CAP2: variants seen among roughly 807,000 people sequenced by gnomAD.
CAP2 encodes the protein cyclase associated actin cytoskeleton regulatory protein 2.
Under a neutral mutation model 57.7 loss-of-function variants are expected in CAP2, and 24 were observed. The observed-to-expected ratio is 0.42, with a 90% confidence interval of 0.30 to 0.58. The LOEUF (loss-of-function observed/expected upper bound fraction) is 0.58. Ranked by LOEUF, CAP2 falls within the 20% of genes least tolerant of loss-of-function variation. The pLI is 0.22. For synonymous variants in CAP2, 194 were observed against 207.2 expected, an observed-to-expected ratio of 0.94 and a Z score of 0.55; for missense variants, 501 against 590.3, an observed-to-expected ratio of 0.85 and a Z score of 1.57.
At chr6:17,539,537 G>C (rs1027311069) in intron 8 of CAP2, 79 bp downstream of exon 8, 2 of 1,082,808 alleles carry the variant, frequency 1.8e-6, no homozygotes, top group African/African-American at 3.2e-5. Context: ...TGGAGCCCCA[G>C]TGATGGATAC....
intron 3 of CAP2, among the ~76,000 whole-genome samples, chr6:17,440,874 A>C (rs749720742): frequency 6.6e-5 from 10 of 150,914 alleles, no homozygotes; most frequent in Non-Finnish European, 1.0e-4. Context: ...CCTGTGTCCA[A>C]GTGTTCTCTT....
chr6:17,490,601 A>G (rs1761520856), intron 4 of CAP2, among the ~76,000 whole-genome samples: 2 of 152,248 alleles, frequency 1.3e-5, no homozygotes, highest in Admixed American at 1.3e-4. Context: ...TGTTCCTGCC[A>G]TGGCAACAGC....
At chr6:17,549,740 A>G (rs1055012981) in intron 11 of CAP2, among the ~76,000 whole-genome samples, 4 of 152,318 alleles carry the variant, frequency 2.6e-5, no homozygotes, top group African/African-American at 2.4e-5. Flanking sequence ...AGGATTGCCT[A>G]TATACTAAAG....
chr6:17,404,497 C>T (rs1311289414), intron 1 of CAP2, among the ~76,000 whole-genome samples: 2 of 151,970 alleles, frequency 1.3e-5, no homozygotes, highest in South Asian at 2.1e-4. Context: ...CCCAGCTACT[C>T]GGGAGGCTGA....
Position 17,551,455 on chromosome 6 carries a change from C to G in CAP2, c.1210-9C>G. On this transcript the variant is annotated splice_polypyrimidine_tract_variant and intron_variant, in intron 11 of 12. Coordinates refer to ENST00000229922, the MANE Select transcript of CAP2 (RefSeq NM_006366.3). ...TTGCTTTGGTCCCAGGTATTTTTTCCTATTTCAGGTAATGGGGAGAGTGCC... is the reference window on the plus strand; with the variant it reads ...TTGCTTTGGTCCCAGGTATTTTTTCGTATTTCAGGTAATGGGGAGAGTGCC... 6.3e-7 allele frequency: 1 copy of G among 1,577,032 alleles called. No homozygotes were observed. The highest frequency in any genetic ancestry group is 8.6e-7 in the Non-Finnish European group (1 of 1,160,994).
intron 7 of CAP2, among the ~76,000 whole-genome samples, chr6:17,519,929 C>T (rs529988113): frequency 1.6e-4 from 25 of 152,226 alleles, no homozygotes; most frequent in Admixed American, 7.2e-4. Context: ...TATTAACTTT[C>T]GGTTGTTAAA....
intron 1 of CAP2, among the ~76,000 whole-genome samples, chr6:17,408,153 G>A (rs1173116923): frequency 6.6e-6 from 1 of 152,156 alleles, no homozygotes; most frequent in Non-Finnish European, 1.5e-5. Flanking sequence ...ACAAAGATTA[G>A]AGGTTTGTTT....
chr6:17,444,534 G>A lies in CAP2; in HGVS notation c.222+17844G>A, dbSNP rs536672085. On this transcript the variant is annotated intron_variant, in intron 3 of 12. Transcript: ENST00000229922. ...CTAGGACCTGTAGACCCAGCTACTC[G>A]AGAGGCTGGGGCAGGAGAATCGCTT... Among the ~76,000 whole-genome samples the A allele has an allele frequency of 5.3e-5, 8 of 151,304 alleles. 1 individual carries two copies. The South Asian group carries it at 1.7e-3, about 32-fold the overall frequency.
At chr6:17,543,251 C>A in intron 11 of CAP2, 108 bp downstream of exon 11, 1 of 886,424 alleles carries the variant, frequency 1.1e-6, no homozygotes, top group Non-Finnish European at 1.9e-6. Flanking sequence ...TTTCCAACCA[C>A]GCTGTAATAA....
At chr6:17,417,483 C>CATCT (rs1439370077) in intron 1 of CAP2, among the ~76,000 whole-genome samples, 18 of 152,034 alleles carry the variant, frequency 1.2e-4, no homozygotes, top group Non-Finnish European at 2.6e-4. Context: ...CTGTGTTGCC[C>CATCT]AGGCTGGTCT....
chr6:17,439,728 T>A (rs60793140), intron 3 of CAP2, among the ~76,000 whole-genome samples: 1 of 151,354 alleles, frequency 6.6e-6, no homozygotes, highest in Non-Finnish European at 1.5e-5. Context: ...CATGCTCCTA[T>A]GAGAATCTAA....
intron 3 of CAP2, among the ~76,000 whole-genome samples, chr6:17,455,622 G>A (rs528990898): frequency 6.0e-5 from 9 of 151,148 alleles, no homozygotes; most frequent in Admixed American, 2.6e-4. Flanking sequence ...TGCACTCTCC[G>A]CCTCCCGGGT....
At chr6:17,455,463 A>G (rs1760534842) in intron 3 of CAP2, among the ~76,000 whole-genome samples, 2 of 152,106 alleles carry the variant, frequency 1.3e-5, no homozygotes, top group South Asian at 4.2e-4. Context: ...AGGGCAGATC[A>G]CACACTTGAA....
chr6:17,525,392 G>C (rs1034357907), intron 7 of CAP2, among the ~76,000 whole-genome samples: 1 of 151,724 alleles, frequency 6.6e-6, no homozygotes, highest in African/African-American at 2.4e-5. Context: ...AACCTGTGAG[G>C]CGGAGGCTGC....
intron 5 of CAP2, 95 bp downstream of exon 5, chr6:17,507,407 G>A: frequency 1.5e-6 from 2 of 1,314,292 alleles, no homozygotes; most frequent in Non-Finnish European, 2.1e-6. Flanking sequence ...TCCTTGCACT[G>A]AAGGAAGCTT....
At chr6:17,505,182 G>C (rs1761944341) in intron 4 of CAP2, among the ~76,000 whole-genome samples, 1 of 152,174 alleles carries the variant, frequency 6.6e-6, no homozygotes, top group Non-Finnish European at 1.5e-5. Flanking sequence ...CTAAGGATCT[G>C]ATTAAGTAAT....
At chr6:17,418,518 G>A (rs973365731) in intron 1 of CAP2, among the ~76,000 whole-genome samples, 1 of 152,196 alleles carries the variant, frequency 6.6e-6, no homozygotes, top group African/African-American at 2.4e-5. Flanking sequence ...GCGAGTTTGG[G>A]TCTTGTCAGG....
At chr6:17,492,474 C>T (rs1022500513) in intron 4 of CAP2, among the ~76,000 whole-genome samples, 2 of 152,186 alleles carry the variant, frequency 1.3e-5, no homozygotes, top group Admixed American at 1.3e-4. Flanking sequence ...ATATTATATC[C>T]TGGACTATGT....
At chr6:17,548,412 A>G (rs1264150232) in intron 11 of CAP2, among the ~76,000 whole-genome samples, 1 of 152,122 alleles carries the variant, frequency 6.6e-6, no homozygotes, top group Non-Finnish European at 1.5e-5. Flanking sequence ...AATGCAATAG[A>G]AAATAAGGTT....
Sources: gnomAD v4.1 joint callset for allele counts (sites outside exome capture counted in the v4.1 genomes callset) on GRCh38, gnomAD v4.1.1 for gene constraint, MANE v1.5 for transcripts, NCBI Gene and HGNC (gene_info 2026-07-23, HGNC 2026-07-21) for gene names.